Variants in ZDHHC11B observed in about 807,000 individuals in gnomAD.
The protein encoded by ZDHHC11B is probable palmitoyltransferase ZDHHC11B.
Under a neutral mutation model 42.3 loss-of-function variants are expected in ZDHHC11B, and 17 were observed. The observed-to-expected ratio is 0.40, with a 90% CI of 0.27 to 0.60. ZDHHC11B has a LOEUF of 0.60. Ranked by LOEUF, ZDHHC11B falls within the 20% of genes least tolerant of loss-of-function variation. The pLI, the probability that ZDHHC11B is intolerant of heterozygous loss-of-function variation, is 0.41. For synonymous variants in ZDHHC11B, 123 were observed against 193.5 expected, an observed-to-expected ratio of 0.64 and a Z score of 3.02; for missense variants, 262 against 463.2, an observed-to-expected ratio of 0.57 and a Z score of 3.99.
At chr5:714,567 C>A (rs368742) in intron 13 of ZDHHC11B, among the ~76,000 whole-genome samples, 13,601 of 72,940 alleles carry the variant, frequency 0.19, 2,275 homozygotes, top group African/African-American at 0.39. Flanking sequence ...AATGATTTAG[C>A]CTCATTCAAA....
intron 11 of ZDHHC11B, 113 bp from the exon 12 acceptor site, chr5:730,581 T>C: frequency 8.7e-7 from 1 of 1,144,132 alleles, no homozygotes; most frequent in Non-Finnish European, 1.2e-6. Context: ...GTAATGGTAC[T>C]TCAAGAATGC....
intron 11 of ZDHHC11B, among the ~76,000 whole-genome samples, 180 bp from the exon 12 acceptor site, chr5:730,648 T>C (rs1441204625): frequency 6.6e-6 from 1 of 151,754 alleles, no homozygotes; most frequent in East Asian, 1.9e-4. Flanking sequence ...CCAATCCTTG[T>C]ATTATGGGCT....
chr5:764,676 C>T (rs1370903644), intron 4 of ZDHHC11B, among the ~76,000 whole-genome samples: 21 of 151,976 alleles, frequency 1.4e-4, no homozygotes, highest in African/African-American at 5.1e-4. Flanking sequence ...CCCGAGCCTC[C>T]CCAGTGAGCA....
rs1369771560 is a variant in ZDHHC11B at position 711,916 on chromosome 5, GC to G, written c.*373del. 9 of 58,452 alleles carry G rather than the reference GC, an allele frequency of 1.5e-4. No homozygotes were observed. Among genetic ancestry groups the G allele is most frequent in the African/African-American group, 7.5e-4 (9 of 11,950 alleles). 3.6% of individuals were successfully genotyped at this position (58,452 alleles called of 1,614,324 possible). Reference sequence around the variant, plus strand: ...TGTGCTCACAGGTGTGAGCCAACATGCCCGGCCCATCAGCTCTTAAGCAGCA... The same window carrying G: ...TGTGCTCACAGGTGTGAGCCAACATGCCGGCCCATCAGCTCTTAAGCAGCA... On this transcript the variant is annotated 3_prime_UTR_variant, in exon 14 of 14. Coordinates refer to ENST00000508859, the MANE Select transcript of ZDHHC11B (RefSeq NM_001351303.2).
intron 7 of ZDHHC11B, among the ~76,000 whole-genome samples, chr5:750,316 G>C (rs114205606): frequency 7.5e-6 from 1 of 133,268 alleles, no homozygotes; most frequent in Admixed American, 7.6e-5. Flanking sequence ...AGTTGAGCGC[G>C]CTGCCTCCGC....
At chr5:773,135 T>C (rs1158441432) in intron 1 of ZDHHC11B, among the ~76,000 whole-genome samples, 1 of 151,858 alleles carries the variant, frequency 6.6e-6, no homozygotes, top group African/African-American at 2.4e-5. Flanking sequence ...AGAATACATT[T>C]AGTTTTAAGA....
rs1207523779 is a variant in ZDHHC11B, at chr5:716,785, C to T, written c.*7+16G>A. 6.2e-7 allele frequency: 1 copy of T among 1,612,864 alleles called. No homozygotes were observed. Among genetic ancestry groups the T allele is most frequent in the Non-Finnish European group, 8.5e-7 (1 of 1,179,498 alleles). Reference sequence around the variant, plus strand: ...TGGGTAGATTTCAACATGACCTGCACTGCCACGTATCTTACCCGAATCTCA... The same window carrying T: ...TGGGTAGATTTCAACATGACCTGCATTGCCACGTATCTTACCCGAATCTCA... On this transcript the variant is annotated intron_variant, in intron 13 of 13. Transcript: ENST00000508859.
rs1378540972 is a variant in ZDHHC11B at position 766,716 on chromosome 5, C to T, written c.204G>A (p.Trp68Ter). 6.2e-7 allele frequency: 1 copy of T among 1,610,426 alleles called. No homozygotes were observed. The highest frequency in any genetic ancestry group is 1.7e-5 in the Admixed American group (1 of 59,462). The change falls in exon 4 of 14, where the codon TGG becomes TGA. Residue 68 changes from tryptophan to a stop codon, truncating the protein, a stop_gained. Coordinates refer to ENST00000508859, the MANE Select transcript of ZDHHC11B (RefSeq NM_001351303.2). LOFTEE classifies it high-confidence loss of function. ...AGGATACCACATAGGCGATGTATTT[C>T]CACGAGTGAGGCAGGAGGGGAATGA... Reference protein sequence around the residue: ...RIFIPLLPHSWKYIAYVVTGG... With the variant: ...RIFIPLLPHS
At position 777,471 on chromosome 5, in the gene ZDHHC11B, AC is replaced by A. The variant is rs200812979; in HGVS notation, c.-230+7196del. 8.8e-3 allele frequency among the ~76,000 whole-genome samples: 833 copies of A among 94,636 alleles called. 31 individuals are homozygous for A. The highest frequency in any genetic ancestry group is 0.031 in the African/African-American group (796 of 25,314). The allele number at this position is 94,636 out of a possible 152,430, so 62.1% of individuals were successfully genotyped here. A position where few individuals can be genotyped will look rare whatever the true frequency, so the allele number is the denominator to read the frequency against. ...GCTACAGCTCACAAAAGCGGCGCGC[AC>A]CCAGACTGAGCGGCAAGATTTATTG... On this transcript the variant is annotated intron_variant, in intron 1 of 13. Transcript: ENST00000508859.
chr5:773,856 C>T (rs1736250595), intron 1 of ZDHHC11B, among the ~76,000 whole-genome samples: 1 of 151,812 alleles, frequency 6.6e-6, no homozygotes, highest in South Asian at 2.1e-4. Flanking sequence ...CCCAGGGAGT[C>T]AGGAGGATGG....
chr5:714,472 T>C (rs1741601411), intron 13 of ZDHHC11B, among the ~76,000 whole-genome samples: 1 of 134,664 alleles, frequency 7.4e-6, no homozygotes, highest in African/African-American at 3.2e-5. Flanking sequence ...ACATTTGCTG[T>C]TTAAAACCTT....
intron 4 of ZDHHC11B, among the ~76,000 whole-genome samples, chr5:765,820 C>A (rs1735236723): frequency 6.6e-6 from 1 of 151,892 alleles, no homozygotes; most frequent in African/African-American, 2.4e-5. Context: ...AGACACGCCG[C>A]CTTTAAGAAC....
chr5:780,545 C>T (rs1736884968), intron 1 of ZDHHC11B, among the ~76,000 whole-genome samples: 1 of 145,980 alleles, frequency 6.9e-6, no homozygotes, highest in Non-Finnish European at 1.5e-5. Context: ...AGCCAAAGCA[C>T]AGTGCTCAGG....
At chr5:784,568 G>A (rs1419961680) in intron 1 of ZDHHC11B, among the ~76,000 whole-genome samples, 100 bp downstream of exon 1, 1 of 152,202 alleles carries the variant, frequency 6.6e-6, no homozygotes, top group East Asian at 1.9e-4. Flanking sequence ...CGGGGGGCAG[G>A]GGCTGCGGCG....
Position 711,584 on chromosome 5 carries a change from AGTACTGTGCTCCCATTTC to A in ZDHHC11B, c.*688_*705del, listed in dbSNP as rs1741377484. 1 of 151,392 alleles carries A rather than the reference AGTACTGTGCTCCCATTTC, an allele frequency of 6.6e-6. No homozygotes were observed. The highest frequency in any genetic ancestry group is 6.8e-5 in the Admixed American group (1 of 14,710). 9.4% of individuals were successfully genotyped at this position (151,392 alleles called of 1,614,324 possible). Reference sequence around the variant, plus strand: ...TCCTAGCACTGTGCTCCCATTTCCCAGTACTGTGCTCCCATTTCCCAGTGCCGTGCTCCCATTTCCCAG... The same window carrying A: ...TCCTAGCACTGTGCTCCCATTTCCCACCAGTGCCGTGCTCCCATTTCCCAG... On this transcript the variant is annotated 3_prime_UTR_variant, in exon 14 of 14. Coordinates refer to ENST00000508859, the MANE Select transcript of ZDHHC11B (RefSeq NM_001351303.2).
chr5:772,464 C>G (rs1178081114), intron 1 of ZDHHC11B, among the ~76,000 whole-genome samples: 1 of 151,974 alleles, frequency 6.6e-6, no homozygotes, highest in Non-Finnish European at 1.5e-5. Flanking sequence ...ATACCCACGT[C>G]CACTGTCCCA....
rs567998991 is a variant in ZDHHC11B at position 737,875 on chromosome 5, C to T, written c.935+3719G>A. Among the ~76,000 whole-genome samples the T allele has an allele frequency of 2.7e-4, 38 of 140,490 alleles. 3 individuals carry two copies. Among genetic ancestry groups the T allele is most frequent in the Non-Finnish European group, 3.8e-4 (25 of 65,328 alleles). 92.2% of individuals were successfully genotyped at this position (140,490 alleles called of 152,430 possible). A position where few individuals can be genotyped will look rare whatever the true frequency, so the allele number is the denominator to read the frequency against. On this transcript the variant is annotated intron_variant, in intron 10 of 13. Transcript: ENST00000508859. ...GAATGGGGAAAAGTTGAAAACATTG[C>T]CCCTCAGAACTGGAATAAGACAAGG...
chr5:777,025 G>A (rs1736561574), intron 1 of ZDHHC11B, among the ~76,000 whole-genome samples: 1 of 151,854 alleles, frequency 6.6e-6, no homozygotes, highest in African/African-American at 2.4e-5. Context: ...AGCACAGGAC[G>A]CAGTGTGTCT....
rs1364468313 is a variant in ZDHHC11B, at chr5:721,503, T to G, written c.1059-4638A>C. 2.6e-5 allele frequency among the ~76,000 whole-genome samples: 4 copies of G among 151,194 alleles called. No homozygotes were observed. In the East Asian group the frequency reaches 7.8e-4, roughly 30 times the overall value. On this transcript the variant is annotated intron_variant, in intron 12 of 13. Transcript: ENST00000508859. Reference sequence around the variant, plus strand: ...GGAGGTTGTCTTCCTTACTGAGTAATAGAGAAGCTCCCGGGCCCCGAGATA... The same window carrying G: ...GGAGGTTGTCTTCCTTACTGAGTAAGAGAGAAGCTCCCGGGCCCCGAGATA...
Sources: gnomAD v4.1 joint callset for allele counts (sites outside exome capture counted in the v4.1 genomes callset) on GRCh38, gnomAD v4.1.1 for gene constraint, MANE v1.5 for transcripts, NCBI Gene and HGNC (gene_info 2026-07-23, HGNC 2026-07-21) for gene names.